Variants in CNTLN observed in about 807,000 individuals in gnomAD.
CNTLN encodes centlein.
Under a neutral mutation model 180.0 loss-of-function variants are expected in CNTLN, and 212 were observed. That is an observed-to-expected ratio of 1.18 (90% confidence interval 1.05 to 1.32). The LOEUF (loss-of-function observed/expected upper bound fraction) is 1.32, where lower values mean the gene tolerates loss of function less well. CNTLN is among the 40% of genes most tolerant of loss of function. The pLI, the probability that CNTLN is intolerant of heterozygous loss-of-function variation, is 0.00. For missense variants in CNTLN, 2,095 were observed against 1,610.9 expected, an observed-to-expected ratio of 1.30 and a Z score of -5.14; for synonymous variants, 722 against 563.1, an observed-to-expected ratio of 1.28 and a Z score of -3.99.
At chr9:17,428,798 G>C (rs1048119735) in intron 18 of CNTLN, among the ~76,000 whole-genome samples, 2 of 151,816 alleles carry the variant, frequency 1.3e-5, no homozygotes, top group Non-Finnish European at 2.9e-5. Context: ...CATTCTCAAG[G>C]TCACAATAAT....
intron 6 of CNTLN, among the ~76,000 whole-genome samples, chr9:17,297,464 G>A (rs1259097880): frequency 6.6e-6 from 1 of 152,128 alleles, no homozygotes; most frequent in Non-Finnish European, 1.5e-5. Context: ...TGTATAATCT[G>A]TATCACACAG....
intron 12 of CNTLN, among the ~76,000 whole-genome samples, chr9:17,354,905 C>T (rs912102535): frequency 3.3e-5 from 5 of 152,124 alleles, no homozygotes; most frequent in Non-Finnish European, 5.9e-5. Context: ...CAGTTTCACT[C>T]CTGAGCCCAG....
At chr9:17,400,406 G>A (rs1193793848) in intron 15 of CNTLN, among the ~76,000 whole-genome samples, 1 of 152,118 alleles carries the variant, frequency 6.6e-6, no homozygotes, top group Admixed American at 6.5e-5. Flanking sequence ...CAAAGTGCTG[G>A]GATTACAGGC....
intron 5 of CNTLN, among the ~76,000 whole-genome samples, chr9:17,268,654 G>T (rs1827693222): frequency 6.6e-6 from 1 of 152,128 alleles, no homozygotes; most frequent in Non-Finnish European, 1.5e-5. Flanking sequence ...GCCTACAGAG[G>T]CAGGCAGGCC....
At chr9:17,295,988 G>A (rs1483526704) in intron 6 of CNTLN, among the ~76,000 whole-genome samples, 1 of 78,384 alleles carries the variant, frequency 1.3e-5, no homozygotes, top group African/African-American at 7.5e-5. Flanking sequence ...GAGAGAGAGA[G>A]AGAGAGAGAG....
intron 18 of CNTLN, among the ~76,000 whole-genome samples, chr9:17,423,831 C>T (rs1050920035): frequency 6.6e-6 from 1 of 152,048 alleles, no homozygotes; most frequent in Non-Finnish European, 1.5e-5. Context: ...TTTGCTCTGT[C>T]CCCCAAGCAC....
chr9:17,408,349 AT>A (rs949683046), intron 15 of CNTLN, among the ~76,000 whole-genome samples: 29 of 151,436 alleles, frequency 1.9e-4, no homozygotes, highest in African/African-American at 6.3e-4. Context: ...GTTTATTTTT[AT>A]TTTTTTTCTC....
rs746878448 is a variant in CNTLN at position 17,484,461 on chromosome 9, T to C, written c.4022T>C (p.Leu1341Ser). The change falls in exon 24 of 26, where the codon TTA (leucine) becomes TCA (serine). Residue 1341 changes from leucine (L) to serine (S), a missense_variant. Leu to Ser is a moderately radical substitution (Grantham distance 145). Transcript: ENST00000380647. ...TCACGGTCAGATTTAGAGGAAATAT[T>C]AGACACAGAAGATCAAGTGGTAAGA... ...NISRSDLEEI[L>S]DTEDQVEIEK... 1.2e-6 allele frequency: 2 copies of C among 1,600,212 alleles called. No individual in the cohort carries two copies. Among genetic ancestry groups the C allele is most frequent in the Non-Finnish European group, 8.5e-7 (1 of 1,176,750 alleles).
intron 10 of CNTLN, among the ~76,000 whole-genome samples, chr9:17,339,984 T>C (rs964558363): frequency 6.6e-6 from 1 of 151,818 alleles, no homozygotes; most frequent in Non-Finnish European, 1.5e-5. Flanking sequence ...TGAGACCCTG[T>C]TTCTACAAAA....
At chr9:17,224,585 C>T (rs1824345633) in intron 2 of CNTLN, among the ~76,000 whole-genome samples, 1 of 151,968 alleles carries the variant, frequency 6.6e-6, no homozygotes, top group Admixed American at 6.6e-5. Context: ...GGATGAATCC[C>T]TTATTACTAT....
chr9:17,290,097 G>A (rs556772056), intron 6 of CNTLN, among the ~76,000 whole-genome samples: 1 of 152,290 alleles, frequency 6.6e-6, no homozygotes, highest in East Asian at 1.9e-4. Flanking sequence ...GCATTTAAGA[G>A]TGTCTAGTTT....
chr9:17,399,923 T>G (rs563288142), intron 15 of CNTLN, among the ~76,000 whole-genome samples: 4 of 152,278 alleles, frequency 2.6e-5, no homozygotes, highest in African/African-American at 9.6e-5. Flanking sequence ...CTTACCACAT[T>G]TTCCCATGAC....
At chr9:17,181,842 G>A (rs906619035) in intron 2 of CNTLN, among the ~76,000 whole-genome samples, 10 of 152,152 alleles carry the variant, frequency 6.6e-5, no homozygotes, top group African/African-American at 2.4e-4. Context: ...GCCACCCTAG[G>A]TGGAAGGGGC....
chr9:17,508,319 ACC>A (rs1307459559), downstream of CNTLN, among the ~76,000 whole-genome samples: 3 of 152,246 alleles, frequency 2.0e-5, no homozygotes, highest in African/African-American at 7.2e-5. Flanking sequence ...AATACACTTC[ACC>A]CAGATTCCCT....
chr9:17,208,698 T>G (rs766746994), intron 2 of CNTLN, among the ~76,000 whole-genome samples: 4 of 152,138 alleles, frequency 2.6e-5, no homozygotes, highest in Non-Finnish European at 5.9e-5. Context: ...TTTTGGTAGG[T>G]TGTATGTGTC....
intron 5 of CNTLN, among the ~76,000 whole-genome samples, chr9:17,267,346 T>A (rs1024888391): frequency 2.6e-5 from 4 of 152,182 alleles, no homozygotes; most frequent in East Asian, 1.9e-4. Flanking sequence ...TTATTTTTTT[T>A]AAGAATGTTG....
At chr9:17,154,523 G>T (rs1430798035) in intron 2 of CNTLN, among the ~76,000 whole-genome samples, 1 of 152,226 alleles carries the variant, frequency 6.6e-6, no homozygotes, top group East Asian at 1.9e-4. Context: ...CTTCGACCCA[G>T]TGGGGCACCT....
chr9:17,396,580 C>T (rs1485231924), intron 15 of CNTLN, among the ~76,000 whole-genome samples: 2 of 152,140 alleles, frequency 1.3e-5, no homozygotes, highest in South Asian at 2.1e-4. Flanking sequence ...GGGATGCCTC[C>T]GGATACTTTT....
intron 13 of CNTLN, among the ~76,000 whole-genome samples, chr9:17,374,963 G>A (rs1824633224): frequency 6.6e-6 from 1 of 152,064 alleles, no homozygotes; most frequent in African/African-American, 2.4e-5. Flanking sequence ...AGAGATATCT[G>A]CATTCCCATG....
Sources: allele counts gnomAD v4.1 joint callset (sites outside exome capture counted in the v4.1 genomes callset), GRCh38; gene constraint gnomAD v4.1.1; transcripts MANE v1.5; gene names NCBI Gene and HGNC (gene_info 2026-07-23, HGNC 2026-07-21).